APPL1: variants seen among roughly 807,000 people sequenced by gnomAD.
APPL1 encodes the protein DCC-interacting protein 13-alpha.
Under a neutral mutation model 106.8 loss-of-function variants are expected in APPL1, and 42 were observed. The observed-to-expected ratio is 0.39, with a 90% CI of 0.31 to 0.51. The LOEUF (loss-of-function observed/expected upper bound fraction) is 0.51. APPL1 is among the 20% of genes least tolerant of loss of function. The pLI, the probability that APPL1 is intolerant of heterozygous loss-of-function variation, is 0.75. For synonymous variants in APPL1, 263 were observed against 281.8 expected, an observed-to-expected ratio of 0.93 and a Z score of 0.67; for missense variants, 769 against 858.2, an observed-to-expected ratio of 0.90 and a Z score of 1.30.
chr3:57,253,498 T>C (rs1193617039), intron 12 of APPL1, among the ~76,000 whole-genome samples, 184 bp from the exon 13 acceptor site: 1 of 151,990 alleles, frequency 6.6e-6, no homozygotes, highest in Admixed American at 6.6e-5. Context: ...ATGAAATGTT[T>C]TCTTATAAGG....
chr3:57,235,458 A>G (rs2060711420), intron 1 of APPL1, 108 bp from the exon 2 acceptor site: 2 of 606,186 alleles, frequency 3.3e-6, no homozygotes, highest in Non-Finnish European at 5.6e-6. Flanking sequence ...AAAACTCAGA[A>G]TTACTAGAAC....
At chr3:57,234,665 A>C (rs547065986) in intron 1 of APPL1, among the ~76,000 whole-genome samples, 2 of 149,570 alleles carry the variant, frequency 1.3e-5, no homozygotes, top group East Asian at 4.1e-4. Flanking sequence ...AAATTTTTTT[A>C]TTTTGAGACA....
rs748766381 is a variant in APPL1 at position 57,235,659 on chromosome 3, G to A, written c.148G>A (p.Ala50Thr). 18 of 1,610,646 alleles carry A rather than the reference G, an allele frequency of 1.1e-5. No homozygotes were observed. Among genetic ancestry groups the A allele is most frequent in the Non-Finnish European group, 1.4e-5 (17 of 1,177,622 alleles). Residue 50 changes from alanine (A) to threonine (T), a missense_variant, in exon 2 of 22, where the codon GCA becomes ACA. Transcript: ENST00000288266. ...LYQAMHRIYD[A>T]QNELSAATHL... Reference sequence around the variant, plus strand: ...TCAAGCTATGCATCGGATTTATGATGCACAGGTAAAACACTAAGGACTAAC... The same window carrying A: ...TCAAGCTATGCATCGGATTTATGATACACAGGTAAAACACTAAGGACTAAC...
intron 21 of APPL1, 65 bp downstream of exon 21, chr3:57,268,552 T>G: frequency 1.4e-6 from 2 of 1,471,820 alleles, no homozygotes; most frequent in East Asian, 4.6e-5. Context: ...GCACTATGAC[T>G]TTCAGATTTG....
At chr3:57,231,000 T>A (rs1002420031) in intron 1 of APPL1, among the ~76,000 whole-genome samples, 1 of 151,622 alleles carries the variant, frequency 6.6e-6, no homozygotes, top group African/African-American at 2.4e-5. Flanking sequence ...CGGGTTCAAG[T>A]GATTCTGCTT....
At chr3:57,242,961 AGGT>A in intron 7 of APPL1, 47 bp downstream of exon 7, 1 of 1,432,028 alleles carries the variant, frequency 7.0e-7, no homozygotes. Flanking sequence ...ACTATTCATT[AGGT>A]GGTTTAGTTT....
In APPL1 at chr3:57,269,535, C is replaced by T. The variant is rs1224696837; in HGVS notation, c.1984-6C>T. 3 of 1,609,872 alleles carry T rather than the reference C, an allele frequency of 1.9e-6. No homozygotes were observed. The highest frequency in any genetic ancestry group is 3.4e-5 in the Admixed American group (2 of 59,242). ...AACTTAGTTTCTTTTTTGTCTTTTC[C>T]ACTAGGACTTGGAAGAACAAAGTCG... On this transcript the variant is annotated splice_region_variant and splice_polypyrimidine_tract_variant and intron_variant, in intron 21 of 21. Transcript: ENST00000288266.
At chr3:57,251,167 C>A (rs1195564169) in intron 11 of APPL1, among the ~76,000 whole-genome samples, 4 of 150,814 alleles carry the variant, frequency 2.7e-5, no homozygotes, top group African/African-American at 9.7e-5. Context: ...TCATTTTTTC[C>A]CCTGTATTTA....
intron 15 of APPL1, 176 bp from the exon 16 acceptor site, chr3:57,258,852 T>G (rs1316992770): frequency 3.8e-6 from 2 of 530,438 alleles, no homozygotes; most frequent in Admixed American, 3.6e-5. Flanking sequence ...TCAGTTAGTG[T>G]GTGAGGGCAG....
chr3:57,266,269 G>T (rs1193743886), intron 19 of APPL1, among the ~76,000 whole-genome samples: 1 of 152,122 alleles, frequency 6.6e-6, no homozygotes, highest in African/African-American at 2.4e-5. Context: ...GGTAAGATTG[G>T]TATTAGTTCT....
intron 6 of APPL1, 63 bp from the exon 7 acceptor site, chr3:57,242,793 T>G: frequency 1.6e-6 from 2 of 1,249,494 alleles, no homozygotes; most frequent in Admixed American, 3.4e-5. Flanking sequence ...TGAAGACCAT[T>G]GAAAGCATTT....
chr3:57,239,824 T>G (rs533318694), intron 4 of APPL1, among the ~76,000 whole-genome samples: 30 of 152,224 alleles, frequency 2.0e-4, no homozygotes, highest in African/African-American at 6.3e-4. Flanking sequence ...GGTTCCAGTT[T>G]TTCCACATCC....
chr3:57,259,460 T>TTGTGTGTG (rs150421675), intron 16 of APPL1, among the ~76,000 whole-genome samples: 118 of 149,914 alleles, frequency 7.9e-4, no homozygotes, highest in Non-Finnish European at 1.2e-3. Context: ...TGTTGTGTGT[T>TTGTGTGTG]TGTGTGTGTG....
chr3:57,235,468 C>A, intron 1 of APPL1, 98 bp from the exon 2 acceptor site: 1 of 672,484 alleles, frequency 1.5e-6, no homozygotes, highest in Non-Finnish European at 2.5e-6. Context: ...ATTACTAGAA[C>A]TTTAATATCC....
chr3:57,253,612 T>C (rs1054616458), intron 12 of APPL1, 70 bp from the exon 13 acceptor site: 5 of 1,221,096 alleles, frequency 4.1e-6, no homozygotes, highest in Non-Finnish European at 5.4e-6. Flanking sequence ...AGTTGAGTAT[T>C]GAACATTTGC....
chr3:57,243,311 CAT>C (rs761699675), intron 7 of APPL1, among the ~76,000 whole-genome samples: 14 of 152,118 alleles, frequency 9.2e-5, no homozygotes, highest in Non-Finnish European at 1.3e-4. Flanking sequence ...TATTTATAGA[CAT>C]ATATATCTTT....
intron 11 of APPL1, among the ~76,000 whole-genome samples, chr3:57,251,550 A>G (rs961731602): frequency 7.3e-5 from 11 of 151,502 alleles, no homozygotes; most frequent in African/African-American, 2.2e-4. Context: ...AAAAGATACT[A>G]TAGCTCACTA....
chr3:57,253,513 TAAA>T (rs1453585297), intron 12 of APPL1, among the ~76,000 whole-genome samples, 166 bp from the exon 13 acceptor site: 4 of 151,998 alleles, frequency 2.6e-5, no homozygotes, highest in African/African-American at 9.7e-5. Context: ...ATAAGGAAGA[TAAA>T]TATATTACTT....
chr3:57,230,205 C>T (rs1037533738), intron 1 of APPL1, among the ~76,000 whole-genome samples: 9 of 151,504 alleles, frequency 5.9e-5, no homozygotes, highest in South Asian at 4.1e-4. Context: ...CTAGGGTTGA[C>T]GAGGTTTTTA....
Sources: gnomAD v4.1 joint callset for allele counts (sites outside exome capture counted in the v4.1 genomes callset) on GRCh38, gnomAD v4.1.1 for gene constraint, MANE v1.5 for transcripts, NCBI Gene and HGNC (gene_info 2026-07-23, HGNC 2026-07-21) for gene names.